The following ANKHD1 variants were observed in gnomAD, a reference collection of about 807,000 sequenced individuals.
ANKHD1 encodes the protein ankyrin repeat and KH domain-containing protein 1.
A neutral mutation model predicts 230.5 loss-of-function variants in ANKHD1; 31 were observed. That is an observed-to-expected ratio of 0.13 (90% CI 0.10 to 0.18). The LOEUF is 0.18. Among genes scored for constraint, ANKHD1 ranks in the 10% least tolerant of loss-of-function variants. The pLI is 1.00. For missense variants in ANKHD1, 2,256 were observed against 3,071.3 expected (o/e 0.73, Z 6.27); for synonymous variants, 1,074 against 1,117.6 (o/e 0.96, Z 0.78).
At chr5:140,440,709 A>G (rs931147833) in intron 4 of ANKHD1, among the ~76,000 whole-genome samples, 22 of 152,214 alleles carry the variant, frequency 1.4e-4, no homozygotes, top group Non-Finnish European at 1.0e-4. Context: ...TTCTTTGGCT[A>G]GATAACCTCA....
rs1752691066 is a variant in ANKHD1 at position 140,510,034 on chromosome 5, T to C, written c.3957T>C (p.Asp1319=). 11 of 1,613,522 alleles carry C rather than the reference T, an allele frequency of 6.8e-6. No homozygotes were observed. The highest frequency in any genetic ancestry group is 7.6e-6 in the Non-Finnish European group (9 of 1,179,664). The change falls in exon 22 of 34, where the codon GAT becomes GAC. Residue 1319 remains aspartate, a synonymous_variant. Transcript: ENST00000360839. ...ELLIHRGAHI[D]VRNKKGNTPL... ...TTGTTTACAGGGGAGCCCACATTGA[T>C]GTTCGTAACAAAAAGGGAAATACGC...
At chr5:140,444,979 A>G (rs1311501130) in intron 5 of ANKHD1, among the ~76,000 whole-genome samples, 1 of 152,160 alleles carries the variant, frequency 6.6e-6, no homozygotes, top group East Asian at 1.9e-4. Flanking sequence ...TCTTGCCTCT[A>G]GAGGAGCAGG....
In ANKHD1 at chr5:140,504,831, C is replaced by T; in HGVS notation, c.3015C>T (p.Thr1005=). Residue 1005 remains threonine, a synonymous_variant, in exon 16 of 34, where the codon ACC becomes ACT. Coordinates refer to ENST00000360839, the MANE Select transcript of ANKHD1 (RefSeq NM_017747.3). ...TLDDLIAAVS[T]RVPTGSNSSS... ...AATATTGTTTTTCAGCTGTGAGTAC[C>T]AGAGTGCCCACTGGTTCCAACAGTT... 6.2e-7 allele frequency: 1 copy of T among 1,612,574 alleles called. No homozygotes were observed. The highest frequency in any genetic ancestry group is 8.5e-7 in the Non-Finnish European group (1 of 1,179,636).
intron 1 of ANKHD1, among the ~76,000 whole-genome samples, chr5:140,402,689 G>A (rs924096252): frequency 2.0e-5 from 3 of 152,202 alleles, no homozygotes; most frequent in African/African-American, 7.2e-5. Context: ...CCTCAGAGTT[G>A]AGGGATACGT....
rs1561690857 is a variant in ANKHD1 at position 140,419,794 on chromosome 5, CTTTCTTTCTTTCTTTCTT to C, written c.307-16308_307-16291del. On this transcript the variant is annotated intron_variant, in intron 1 of 33. Transcript: ENST00000360839. ...TTTCTTTTTCTTTCTTTCTTTCTTT[CTTTCTTTCTTTCTTTCTT>C]TCTTTCTTTCTTTCTTTCTTTCTTT... Among the ~76,000 whole-genome samples, 991 of 137,020 alleles carry C rather than the reference CTTTCTTTCTTTCTTTCTT, an allele frequency of 7.2e-3. 13 individuals carry two copies. The highest frequency in any genetic ancestry group is 0.014 in the Middle Eastern group (4 of 280). The allele number at this position is 137,020 out of a possible 152,430, so 89.9% of individuals were successfully genotyped here. A position where few individuals can be genotyped will look rare whatever the true frequency, so the allele number is the denominator to read the frequency against.
At chr5:140,423,112 A>G (rs1772132318) in intron 1 of ANKHD1, among the ~76,000 whole-genome samples, 1 of 152,004 alleles carries the variant, frequency 6.6e-6, no homozygotes, top group African/African-American at 2.4e-5. Flanking sequence ...TACCTAGGGT[A>G]GTTTGGAAGT....
intron 10 of ANKHD1, among the ~76,000 whole-genome samples, chr5:140,466,815 C>T (rs1205761005): frequency 1.3e-5 from 2 of 151,788 alleles, no homozygotes; most frequent in Non-Finnish European, 2.9e-5. Context: ...GGCATGGTGG[C>T]GGGCCCCTGT....
intron 10 of ANKHD1, among the ~76,000 whole-genome samples, chr5:140,478,490 A>G (rs921392159): frequency 3.3e-5 from 5 of 152,078 alleles, no homozygotes; most frequent in African/African-American, 7.2e-5. Context: ...AATGAATACT[A>G]ATTTTTGCTA....
intron 10 of ANKHD1, among the ~76,000 whole-genome samples, chr5:140,474,594 T>C (rs1364863482): frequency 6.7e-6 from 1 of 149,594 alleles, no homozygotes; most frequent in Non-Finnish European, 1.5e-5. Flanking sequence ...CTTTTTTTTT[T>C]CTTCTTTTTT....
chr5:140,538,384 C>A, intron 32 of ANKHD1, 123 bp downstream of exon 32: 1 of 1,484,282 alleles, frequency 6.7e-7, no homozygotes, highest in Non-Finnish European at 9.0e-7. Flanking sequence ...AGATCTTTTG[C>A]TTAATTTCAG....
chr5:140,515,407 A>G (rs946893662), intron 24 of ANKHD1, among the ~76,000 whole-genome samples: 1 of 152,220 alleles, frequency 6.6e-6, no homozygotes, highest in Non-Finnish European at 1.5e-5. Flanking sequence ...CTGGGTTACA[A>G]ATGGTTTATT....
chr5:140,477,595 T>C, intron 10 of ANKHD1, among the ~76,000 whole-genome samples: 1 of 152,162 alleles, frequency 6.6e-6, no homozygotes, highest in East Asian at 1.9e-4. Flanking sequence ...TCCATACATT[T>C]AGAAATTGAA....
rs1343934012 is a variant in ANKHD1 at position 140,485,427 on chromosome 5, CGT to C, written c.1999-161_1999-160del. ...ACACACACACACACACACACACACA[CGT>C]ATGTATGTGTATATATATATAAATA... On this transcript the variant is annotated intron_variant, in intron 12 of 33. Coordinates refer to ENST00000360839, the MANE Select transcript of ANKHD1 (RefSeq NM_017747.3). This position sits in a 1 kb window ranked among gnomAD's most constrained non-coding sequence, Gnocchi z 4.8. Among the ~76,000 whole-genome samples, 3 of 146,648 alleles carry C rather than the reference CGT, an allele frequency of 2.0e-5. No homozygotes were observed. Among genetic ancestry groups the C allele is most frequent in the Middle Eastern group, 3.4e-3 (1 of 294 alleles).
chr5:140,539,406 A>T lies in ANKHD1; in HGVS notation c.7617A>T (p.Lys2539Asn). The T allele has an allele frequency of 6.2e-7, 1 of 1,613,900 alleles. No individual in the cohort carries two copies. The highest frequency in any genetic ancestry group is 2.2e-5 in the East Asian group (1 of 44,866). The change falls in exon 34 of 34, where the codon AAA (lysine) becomes AAT (asparagine). Residue 2539 changes from lysine to asparagine, a missense_variant. Coordinates refer to ENST00000360839, the MANE Select transcript of ANKHD1 (RefSeq NM_017747.3). ...CTCATATTGGAAACATGCATCTCAAATATGTCAACTAAGTTAGAAGGTCTT... is the reference window on the plus strand; with the variant it reads ...CTCATATTGGAAACATGCATCTCAATTATGTCAACTAAGTTAGAAGGTCTT... ...WAPHIGNMHLKYVN is the reference protein window; with the variant it reads ...WAPHIGNMHLNYVN
chr5:140,487,785 T>G (rs1751575864), intron 14 of ANKHD1, among the ~76,000 whole-genome samples: 1 of 152,250 alleles, frequency 6.6e-6, no homozygotes, highest in South Asian at 2.1e-4. Context: ...TTTAAAACTA[T>G]GTAAAAACAA....
At chr5:140,427,396 C>T (rs566903715) in intron 1 of ANKHD1, among the ~76,000 whole-genome samples, 100 of 422 alleles carry the variant, frequency 0.24, 8 homozygotes, top group African/African-American at 0.4. Flanking sequence ...CCTCCCTCCC[C>T]GACGGGCGGC....
rs911076653 is a variant in ANKHD1, at chr5:140,497,038, A to G, written c.2764A>G (p.Ile922Val). Residue 922 changes from isoleucine (I) to valine (V), a missense_variant, in exon 15 of 34, where the codon ATT becomes GTT. Ile to Val is a conservative substitution (Grantham distance 29, BLOSUM62 3). Coordinates refer to ENST00000360839, the MANE Select transcript of ANKHD1 (RefSeq NM_017747.3). Reference protein sequence around the residue: ...EQQSPPSAEQIDFVPVQPLSS... With the variant: ...EQQSPPSAEQVDFVPVQPLSS... ...ACAGTCTCCACCATCGGCAGAACAGATTGATTTTGTCCCAGTCCAGCCTTT... is the reference window on the plus strand; with the variant it reads ...ACAGTCTCCACCATCGGCAGAACAGGTTGATTTTGTCCCAGTCCAGCCTTT... The G allele has an allele frequency of 3.7e-6, 6 of 1,614,180 alleles. No homozygotes were observed. Among genetic ancestry groups the G allele is most frequent in the African/African-American group, 1.3e-5 (1 of 75,052 alleles).
At chr5:140,537,666 G>GA (rs753994759) in intron 31 of ANKHD1, 77 bp downstream of exon 31, 39 of 1,455,792 alleles carry the variant, frequency 2.7e-5, no homozygotes, top group Non-Finnish European at 2.6e-5. Context: ...TAGTTCCTTA[G>GA]AAAAAACAAA....
rs1773751345 is a variant in ANKHD1, at chr5:140,440,217, A to G, written c.716A>G (p.Glu239Gly). Residue 239 changes from glutamate (E) to glycine (G), a missense_variant, in exon 4 of 34, where the codon GAA (glutamate) becomes GGA (glycine). Glu to Gly is a moderately conservative substitution (Grantham distance 98). Around this residue, in one of 13 missense-constraint regions of ANKHD1, gnomAD observed 206 missense variants for 304.5 expected, o/e 0.68. Transcript: ENST00000360839. ...RSVNEHTEEG[E>G]SLLCLACSAG... ...GTAAATGAACATACAGAAGAAGGAG[A>G]AAGCCTGCTGTGTTTGGCTTGTTCA... is the stretch of plus-strand genomic sequence containing the variant. 10 of 1,613,604 alleles carry G rather than the reference A, an allele frequency of 6.2e-6. No homozygotes were observed. The highest frequency in any genetic ancestry group is 7.6e-6 in the Non-Finnish European group (9 of 1,179,696).
Sources: gnomAD v4.1 joint callset for allele counts (sites outside exome capture counted in the v4.1 genomes callset) on GRCh38, gnomAD v4.1.1 for gene constraint, gnomAD v4.1.1 regional missense constraint, Gnocchi (gnomAD v3.1) non-coding constraint, MANE v1.5 for transcripts, NCBI Gene and HGNC (gene_info 2026-07-23, HGNC 2026-07-21) for gene names.